Variants in LRP8 observed in about 807,000 individuals in gnomAD.
LRP8 encodes low-density lipoprotein receptor-related protein 8.
A neutral mutation model predicts 111.6 loss-of-function variants in LRP8; 46 were observed. The ratio of observed to expected loss-of-function variants is 0.41; its 90% confidence interval spans 0.33 to 0.53. The LOEUF (loss-of-function observed/expected upper bound fraction) is 0.53, where lower values mean the gene tolerates loss of function less well. Among genes scored for constraint, LRP8 ranks in the 20% least tolerant of loss-of-function variants. The pLI, the probability that LRP8 is intolerant of heterozygous loss-of-function variation, is 0.20. For synonymous variants in LRP8, 464 were observed against 511.2 expected, an observed-to-expected ratio of 0.91 and a Z score of 1.24; for missense variants, 959 against 1,297.4, an observed-to-expected ratio of 0.74 and a Z score of 4.01.
chr1:53,264,468 C>T, intron 9 of LRP8, 72 bp from the exon 10 acceptor site: 1 of 1,213,646 alleles, frequency 8.2e-7, no homozygotes, highest in Non-Finnish European at 1.2e-6. Context: ...ACCTGTGCAC[C>T]CTTCCCCTCT....
chr1:53,280,212 C>G (rs1282727500), intron 4 of LRP8, among the ~76,000 whole-genome samples: 1 of 152,200 alleles, frequency 6.6e-6, no homozygotes, highest in Non-Finnish European at 1.5e-5. Flanking sequence ...GCCCTTGCTC[C>G]AAGATTGGCA....
intron 2 of LRP8, among the ~76,000 whole-genome samples, chr1:53,322,667 G>A (rs1265144950): frequency 6.6e-6 from 1 of 152,162 alleles, no homozygotes; most frequent in Non-Finnish European, 1.5e-5. Context: ...GAGTTGCCCG[G>A]TCAGGTGAAG....
In LRP8 at chr1:53,266,604, C is replaced by T. The variant is rs371695109; in HGVS notation, c.1296G>A (p.Val432=). ...TCCGCTTCACCAGGTCGATCCTCCG[C>T]ACCTCGTGCCGGTTGGTGAAGATTA... ...PSLIFTNRHE[V]RRIDLVKRNY... is the part of the protein sequence containing the mutation. Residue 432 remains valine, a synonymous_variant, in exon 9 of 19, where the codon GTG becomes GTA. Coordinates refer to ENST00000306052, the MANE Select transcript of LRP8 (RefSeq NM_004631.5). The surrounding 1 kb of genome is among the most constrained non-coding windows in gnomAD (Gnocchi z 5.0). 6.2e-6 allele frequency: 10 copies of T among 1,614,068 alleles called. No homozygotes were observed. The highest frequency in any genetic ancestry group is 8.5e-6 in the Non-Finnish European group (10 of 1,180,052).
Position 53,250,819 on chromosome 1 carries a change from T to C in LRP8, c.2547A>G (p.Arg849=), listed in dbSNP as rs5173. ...TTTTGGTGTTCTTCCGCTTCCAGTT[T>C]CTCCAGATCAGGTATCCACTCATGC... The part of the protein sequence containing the change: ...LLCMSGYLIW[R]NWKRKNTKSM... Residue 849 remains arginine (R), a synonymous_variant, in exon 17 of 19, where the codon AGA becomes AGG. Transcript: ENST00000306052. This position sits in a 1 kb window ranked among gnomAD's most constrained non-coding sequence, Gnocchi z 4.6. 2,615 of 1,614,060 alleles carry C rather than the reference T, an allele frequency of 1.6e-3. 35 individuals carry two copies. In the African/African-American group the frequency reaches 0.031, roughly 19 times the overall value.
Position 53,280,683 on chromosome 1 carries a change from A to AG in LRP8, c.399dup (p.Cys134LeufsTer27). 1 of 1,612,600 alleles carries AG rather than the reference A, an allele frequency of 6.2e-7. No individual in the cohort carries two copies. Among genetic ancestry groups the AG allele is most frequent in the Non-Finnish European group, 8.5e-7 (1 of 1,180,018 alleles). On this transcript the variant is annotated frameshift_variant, in exon 4 of 19. Coordinates refer to ENST00000306052, the MANE Select transcript of LRP8 (RefSeq NM_004631.5). LOFTEE classifies it high-confidence loss of function. ...ACACACTTGTGGCTGGTGGGTCCAC[A>AG]GCTCAGCTTCTCTGCAGGACACACC...
chr1:53,271,207 G>A lies in LRP8; in HGVS notation c.1126+20C>T, dbSNP rs1175942773. On this transcript the variant is annotated intron_variant, in intron 7 of 18. Coordinates refer to ENST00000306052, the MANE Select transcript of LRP8 (RefSeq NM_004631.5). ...GCAGGAGGATCTGCTTCTGCTTGGG[G>A]GTGTGGGAGAAGGTCTCACCGCCAC... The A allele has an allele frequency of 1.2e-6, 2 of 1,613,948 alleles. No individual in the cohort carries two copies. The highest frequency in any genetic ancestry group is 2.2e-5 in the South Asian group (2 of 91,068).
intron 2 of LRP8, among the ~76,000 whole-genome samples, chr1:53,302,249 G>A (rs1651052876): frequency 1.3e-5 from 2 of 152,172 alleles, no homozygotes; most frequent in Admixed American, 6.5e-5. Context: ...GCTGCTTCTG[G>A]CTTCTCAGTG....
At chr1:53,298,645 CAG>C (rs1650214529) in intron 2 of LRP8, among the ~76,000 whole-genome samples, 2 of 152,202 alleles carry the variant, frequency 1.3e-5, no homozygotes, top group African/African-American at 4.8e-5. Flanking sequence ...GCCCTCCAGC[CAG>C]AGTCATTGCC....
chr1:53,271,464 G>A, intron 6 of LRP8, 118 bp from the exon 7 acceptor site: 1 of 1,156,058 alleles, frequency 8.7e-7, no homozygotes, highest in South Asian at 1.4e-5. Context: ...ATAGAGGCAG[G>A]AGGGCTCCAC....
chr1:53,324,598 G>A (rs963132116), intron 2 of LRP8, among the ~76,000 whole-genome samples: 12 of 152,154 alleles, frequency 7.9e-5, no homozygotes, highest in African/African-American at 2.9e-4. Flanking sequence ...CAAGCTTGAC[G>A]TCATTCACTT....
intron 15 of LRP8, among the ~76,000 whole-genome samples, chr1:53,256,613 T>G (rs1007867008): frequency 1.3e-5 from 2 of 152,272 alleles, no homozygotes; most frequent in Non-Finnish European, 2.9e-5. Context: ...TCCTTTTAAA[T>G]GAACTCCCTC....
chr1:53,308,107 C>G (rs1311242348), intron 2 of LRP8, among the ~76,000 whole-genome samples: 1 of 152,238 alleles, frequency 6.6e-6, no homozygotes, highest in African/African-American at 2.4e-5. Flanking sequence ...GCTGGCTCTC[C>G]TATCAGACTG....
chr1:53,280,545 G>T, intron 4 of LRP8, 42 bp downstream of exon 4: 2 of 1,600,258 alleles, frequency 1.2e-6, no homozygotes, highest in South Asian at 2.2e-5. Context: ...GAGGCTGCCT[G>T]ACCATGCTTG....
intron 14 of LRP8, 38 bp downstream of exon 14, chr1:53,258,281 C>A (rs994793103): frequency 1.3e-6 from 2 of 1,599,396 alleles, no homozygotes; most frequent in East Asian, 4.5e-5. Context: ...TAGGGTCTGA[C>A]ACTGCCAGGG....
intron 2 of LRP8, among the ~76,000 whole-genome samples, chr1:53,290,122 A>G (rs1648403819): frequency 6.6e-6 from 1 of 152,136 alleles, no homozygotes; most frequent in Non-Finnish European, 1.5e-5. Flanking sequence ...GGAGTTTGTG[A>G]TCATGAATCC....
intron 2 of LRP8, among the ~76,000 whole-genome samples, chr1:53,322,992 A>AGCCTGAACAAAGTCGAG (rs1654707898): frequency 6.6e-6 from 1 of 152,148 alleles, no homozygotes; most frequent in Non-Finnish European, 1.5e-5. Flanking sequence ...AGTCCAAAGA[A>AGCCTGAACAAAGTCGAG]GCCTGAACAA....
chr1:53,308,976 C>A (rs1307705888), intron 2 of LRP8, among the ~76,000 whole-genome samples: 3 of 152,176 alleles, frequency 2.0e-5, no homozygotes, highest in Non-Finnish European at 4.4e-5. Flanking sequence ...CCTCAGAGGG[C>A]TGTTAAAGGA....
In LRP8 at chr1:53,266,551, T is replaced by C. The variant is rs374522601; in HGVS notation, c.1349A>G (p.Lys450Arg). ...TTCCACATCTAGTGCCACGACATTC[T>C]TGAGCATGGGGATGAGGCGTGAATA... ...RNYSRLIPML[K>R]NVVALDVEVA... The change falls in exon 9 of 19, where the codon AAG becomes AGG. Residue 450 changes from lysine (K) to arginine (R), a missense_variant. Around this residue, in one of 3 missense-constraint regions of LRP8, gnomAD observed 819 missense variants for 1,097.6 expected, o/e 0.75. Transcript: ENST00000306052. This position sits in a 1 kb window ranked among gnomAD's most constrained non-coding sequence, Gnocchi z 5.0. 22 of 1,614,078 alleles carry C rather than the reference T, an allele frequency of 1.4e-5. No individual in the cohort carries two copies. The African/African-American group carries it at 2.5e-4, about 19-fold the overall frequency.
chr1:53,294,781 C>T lies in LRP8; in HGVS notation c.245-5092G>A, dbSNP rs775814041. 6.6e-6 allele frequency among the ~76,000 whole-genome samples: 1 copy of T among 152,346 alleles called. No individual in the cohort carries two copies. Among genetic ancestry groups the T allele is most frequent in the East Asian group, 1.9e-4 (1 of 5,176 alleles). ...TGATCCTGTGAAACTGTTAGAATCA[C>T]TCAGCACTTCTTGGCTTCCCCCGCC... On this transcript the variant is annotated intron_variant, in intron 2 of 18. Coordinates refer to ENST00000306052, the MANE Select transcript of LRP8 (RefSeq NM_004631.5). The surrounding 1 kb of genome is among the most constrained non-coding windows in gnomAD (Gnocchi z 4.1).
Sources: gnomAD v4.1 joint callset for allele counts (sites outside exome capture counted in the v4.1 genomes callset) on GRCh38, gnomAD v4.1.1 for gene constraint, gnomAD v4.1.1 regional missense constraint, Gnocchi (gnomAD v3.1) non-coding constraint, MANE v1.5 for transcripts, NCBI Gene and HGNC (gene_info 2026-07-23, HGNC 2026-07-21) for gene names.